DNAJC6: variants seen among roughly 807,000 people sequenced by gnomAD.
DNAJC6 encodes the protein DnaJ heat shock protein family (Hsp40) member C6, also known as auxilin.
In DNAJC6, 34 loss-of-function variants were observed where a neutral mutation model predicts 110.0. The observed-to-expected ratio is 0.31, with a 90% CI of 0.24 to 0.41. The LOEUF is 0.41. DNAJC6 is among the 10% of genes least tolerant of loss of function. DNAJC6 has a pLI of 1.00. For missense variants in DNAJC6, 1,031 were observed against 1,207.8 expected (o/e 0.85, Z 2.17); for synonymous variants, 406 against 437.2 (o/e 0.93, Z 0.89).
Position 65,389,377 on chromosome 1 carries a change from T to C in DNAJC6, c.1315T>C (p.Cys439Arg), listed in dbSNP as rs766371179. Reference protein sequence around the residue: ...IDLTPPWEHYCTKDVNPSILF... With the variant: ...IDLTPPWEHYRTKDVNPSILF... ...CTTAACTCCACCATGGGAACATTAC[T>C]GCACAAAAGATGTCAATCCCAGCAT... Residue 439 changes from cysteine to arginine, a missense_variant, in exon 10 of 19, where the codon TGC becomes CGC. Coordinates refer to ENST00000371069, the MANE Select transcript of DNAJC6 (RefSeq NM_001256864.2). 15 of 1,614,208 alleles carry C rather than the reference T, an allele frequency of 9.3e-6. No individual in the cohort carries two copies. The highest frequency in any genetic ancestry group is 1.3e-5 in the Non-Finnish European group (15 of 1,180,030).
At chr1:65,315,594 T>C (rs1645141905) in intron 1 of DNAJC6, among the ~76,000 whole-genome samples, 1 of 152,202 alleles carries the variant, frequency 6.6e-6, no homozygotes, top group African/African-American at 2.4e-5. Flanking sequence ...ATGTACATTG[T>C]TCAATAATGC....
intron 1 of DNAJC6, among the ~76,000 whole-genome samples, chr1:65,312,204 C>T (rs928576692): frequency 6.6e-6 from 1 of 152,164 alleles, no homozygotes; most frequent in African/African-American, 2.4e-5. Flanking sequence ...TTCTCCTCCC[C>T]TTATCCATCA....
rs1401796228 is a variant in DNAJC6 at position 65,405,914 on chromosome 1, G to A, written c.2272G>A (p.Gly758Ser). The A allele has an allele frequency of 6.2e-7, 1 of 1,613,820 alleles. No individual in the cohort carries two copies. Residue 758 changes from glycine (G) to serine (S), a missense_variant, in exon 16 of 19, where the codon GGT (glycine) becomes AGT (serine). Transcript: ENST00000371069. ...CAAACCCACCACACCAACTGGATTG[G>A]GTGGAGGATTCCCGCCTCTCAGCTC... ...ASKPTTPTGL[G>S]GGFPPLSSPQ...
intron 1 of DNAJC6, among the ~76,000 whole-genome samples, chr1:65,275,883 G>C (rs1253865816): frequency 6.7e-6 from 1 of 148,598 alleles, no homozygotes; most frequent in Non-Finnish European, 1.5e-5. Context: ...TTCAGTTCTA[G>C]AGTTACTATT....
chr1:65,374,400 T>A (rs1405906499), intron 4 of DNAJC6, among the ~76,000 whole-genome samples: 1 of 152,244 alleles, frequency 6.6e-6, no homozygotes, highest in African/African-American at 2.4e-5. Context: ...TATTATTTCT[T>A]CTAATCCATG....
intron 4 of DNAJC6, among the ~76,000 whole-genome samples, chr1:65,377,492 C>G (rs1645777638): frequency 6.6e-6 from 1 of 152,172 alleles, no homozygotes; most frequent in African/African-American, 2.4e-5. Flanking sequence ...GAGGCCAATG[C>G]TAGATCACCC....
intron 4 of DNAJC6, among the ~76,000 whole-genome samples, chr1:65,378,898 G>T (rs1311938858): frequency 6.6e-6 from 1 of 152,192 alleles, no homozygotes; most frequent in Non-Finnish European, 1.5e-5. Flanking sequence ...GAATGAAAAT[G>T]CCAAGGGTTT....
At chr1:65,373,165 T>A (rs1269032031) in intron 4 of DNAJC6, among the ~76,000 whole-genome samples, 1 of 152,220 alleles carries the variant, frequency 6.6e-6, no homozygotes, top group Non-Finnish European at 1.5e-5. Context: ...GAATAATATT[T>A]CATTGTATAT....
chr1:65,387,386 A>G (rs1645883176), intron 8 of DNAJC6, among the ~76,000 whole-genome samples: 1 of 152,234 alleles, frequency 6.6e-6, no homozygotes, highest in African/African-American at 2.4e-5. Context: ...TTGTGCAAAC[A>G]TCACCACTAA....
intron 1 of DNAJC6, among the ~76,000 whole-genome samples, chr1:65,283,415 C>CT (rs149832781): frequency 3.9e-5 from 6 of 151,948 alleles, no homozygotes; most frequent in African/African-American, 1.2e-4. Context: ...CCAAGATTGC[C>CT]TTTTTTTTAC....
chr1:65,311,087 C>T (rs1488432565), intron 1 of DNAJC6, among the ~76,000 whole-genome samples: 2 of 152,060 alleles, frequency 1.3e-5, no homozygotes. Flanking sequence ...CTCAAATGTC[C>T]TGGGCTGAAA....
chr1:65,351,136 A>C (rs1431104170), intron 1 of DNAJC6, among the ~76,000 whole-genome samples: 1 of 152,160 alleles, frequency 6.6e-6, no homozygotes, highest in African/African-American at 2.4e-5. Flanking sequence ...GGGGACCACT[A>C]TTCTACTTGG....
intron 1 of DNAJC6, among the ~76,000 whole-genome samples, chr1:65,315,458 G>T (rs1645140662): frequency 1.3e-5 from 2 of 152,002 alleles, no homozygotes; most frequent in South Asian, 4.1e-4. Context: ...AAAAGTTTCT[G>T]GAAGGACTTT....
At chr1:65,350,958 T>C (rs1645485458) in intron 1 of DNAJC6, among the ~76,000 whole-genome samples, 1 of 152,218 alleles carries the variant, frequency 6.6e-6, no homozygotes, top group African/African-American at 2.4e-5. Context: ...AGCCCAGACC[T>C]CAGCTAAGGA....
chr1:65,374,747 C>T (rs758616420), intron 4 of DNAJC6, among the ~76,000 whole-genome samples: 18 of 152,084 alleles, frequency 1.2e-4, no homozygotes, highest in Admixed American at 3.9e-4. Flanking sequence ...TTGACTTCTT[C>T]CTTTCCAATT....
chr1:65,405,862 T>C lies in DNAJC6; in HGVS notation c.2228-8T>C. ...AGTTTTACCTTCTTTATCTCTTTTT[T>C]TCTTTAGGTAGTTCTTCCTTTGCCA... On this transcript the variant is annotated splice_polypyrimidine_tract_variant and splice_region_variant and intron_variant, in intron 15 of 18. Transcript: ENST00000371069. The C allele has an allele frequency of 2.5e-6, 4 of 1,583,828 alleles. No homozygotes were observed. The highest frequency in any genetic ancestry group is 3.4e-6 in the Non-Finnish European group (4 of 1,164,712).
chr1:65,308,584 G>A (rs1207652442), upstream of DNAJC6, among the ~76,000 whole-genome samples: 1 of 152,152 alleles, frequency 6.6e-6, no homozygotes, highest in Non-Finnish European at 1.5e-5. Flanking sequence ...ACAAAATTAG[G>A]TACACAGCTT....
At chr1:65,302,541 T>G (rs1355219817) in intron 1 of DNAJC6, among the ~76,000 whole-genome samples, 2 of 136,872 alleles carry the variant, frequency 1.5e-5, no homozygotes, top group African/African-American at 5.5e-5. Context: ...TTTTTTTTTT[T>G]TTTTTGAGAC....
chr1:65,355,838 C>T (rs533418113), intron 1 of DNAJC6, among the ~76,000 whole-genome samples: 4 of 147,984 alleles, frequency 2.7e-5, no homozygotes, highest in African/African-American at 9.9e-5. Context: ...TTGCTAGACA[C>T]ATCTCCAGTC....
Sources: allele counts gnomAD v4.1 joint callset (sites outside exome capture counted in the v4.1 genomes callset), GRCh38; gene constraint gnomAD v4.1.1; transcripts MANE v1.5; gene names NCBI Gene and HGNC (gene_info 2026-07-23, HGNC 2026-07-21).